Variants in MARCHF1 observed in about 807,000 individuals in gnomAD.
MARCHF1 encodes E3 ubiquitin-protein ligase MARCHF1.
In MARCHF1, 40 loss-of-function variants were observed where a neutral mutation model predicts 54.2. The ratio of observed to expected loss-of-function variants is 0.74; its 90% confidence interval spans 0.57 to 0.96. The LOEUF (loss-of-function observed/expected upper bound fraction) is 0.96, where lower values mean the gene tolerates loss of function less well. Among genes scored for constraint, MARCHF1 ranks in the 40% least tolerant of loss-of-function variants. The pLI is 0.00. For missense variants in MARCHF1, 586 were observed against 656.5 expected (o/e 0.89, Z 1.17); for synonymous variants, 236 against 236.3 (o/e 1.00, Z 0.01).
chr4:163,789,548 T>C (rs74935842), intron 4 of MARCHF1, among the ~76,000 whole-genome samples: 1,777 of 152,072 alleles, frequency 0.012, 33 homozygotes, highest in African/African-American at 0.04. Context: ...CTTTTCACAT[T>C]TAATGTATAT....
chr4:164,168,061 A>G (rs1293031388), intron 1 of MARCHF1, among the ~76,000 whole-genome samples: 13 of 152,032 alleles, frequency 8.6e-5, no homozygotes, highest in Admixed American at 8.5e-4. Context: ...AAGTACTTTT[A>G]CAACTCGATA....
rs1269869264 is a variant in MARCHF1, at chr4:163,984,105, C to T, written c.-39+4396G>A. Among the ~76,000 whole-genome samples the T allele has an allele frequency of 2.6e-5, 4 of 151,910 alleles. No homozygotes were observed. In the East Asian group the frequency reaches 7.8e-4, roughly 29 times the overall value. On this transcript the variant is annotated intron_variant, in intron 3 of 9. Coordinates refer to ENST00000514618, the MANE Select transcript of MARCHF1 (RefSeq NM_001394959.1). ...TTTTCCAGGTTACTGGAATCTCTAC[C>T]AAAAGAGATTCCCCAGTAACAGATC... is the stretch of plus-strand genomic sequence containing the variant.
At chr4:164,089,309 A>G (rs1364368231) in intron 2 of MARCHF1, among the ~76,000 whole-genome samples, 1 of 152,122 alleles carries the variant, frequency 6.6e-6, no homozygotes, top group East Asian at 1.9e-4. Flanking sequence ...TATAAATTGG[A>G]TTTGTCTTCA....
chr4:164,217,620 T>C (rs577062980), intron 1 of MARCHF1, among the ~76,000 whole-genome samples: 53 of 152,326 alleles, frequency 3.5e-4, no homozygotes, highest in African/African-American at 1.3e-3. Context: ...AAAGACTCTT[T>C]GCCAGATGCT....
intron 7 of MARCHF1, among the ~76,000 whole-genome samples, chr4:163,599,162 G>A (rs969452186): frequency 4.9e-4 from 74 of 152,068 alleles, no homozygotes; most frequent in African/African-American, 1.7e-3. Context: ...GGTGGCGGGC[G>A]CCTGTAATCC....
intron 2 of MARCHF1, among the ~76,000 whole-genome samples, chr4:164,098,543 AC>A (rs1755464815): frequency 6.6e-6 from 1 of 152,230 alleles, no homozygotes; most frequent in Non-Finnish European, 1.5e-5. Context: ...ATTCAGTCTT[AC>A]ACTTCAATCT....
intron 3 of MARCHF1, among the ~76,000 whole-genome samples, chr4:163,924,249 G>A (rs1383153176): frequency 6.6e-6 from 1 of 152,026 alleles, no homozygotes; most frequent in African/African-American, 2.4e-5. Flanking sequence ...TCCTCTTTTA[G>A]AAAGTAATCA....
intron 5 of MARCHF1, among the ~76,000 whole-genome samples, chr4:163,622,506 C>G (rs1741725665): frequency 6.6e-6 from 1 of 152,134 alleles, no homozygotes; most frequent in African/African-American, 2.4e-5. Flanking sequence ...TAAGAAAAGA[C>G]TGAGATCACT....
At chr4:163,653,276 C>G (rs1743030518) in intron 5 of MARCHF1, among the ~76,000 whole-genome samples, 1 of 151,764 alleles carries the variant, frequency 6.6e-6, no homozygotes, top group African/African-American at 2.4e-5. Context: ...AGGTGAGAGA[C>G]AGAGTGAGAA....
intron 7 of MARCHF1, among the ~76,000 whole-genome samples, chr4:163,609,725 A>G (rs990203659): frequency 2.0e-5 from 3 of 151,714 alleles, no homozygotes; most frequent in Admixed American, 2.0e-4. Context: ...TCTTAAAGGA[A>G]TATTATGTAG....
intron 1 of MARCHF1, among the ~76,000 whole-genome samples, chr4:164,209,794 G>C (rs1427725718): frequency 6.6e-6 from 1 of 151,876 alleles, no homozygotes; most frequent in African/African-American, 2.4e-5. Flanking sequence ...TTACTAATAG[G>C]ATAAAAATCT....
chr4:164,140,287 TTGA>T (rs1756498992), intron 1 of MARCHF1, among the ~76,000 whole-genome samples: 1 of 151,204 alleles, frequency 6.6e-6, no homozygotes, highest in Non-Finnish European at 1.5e-5. Context: ...TCCTATAGAA[TTGA>T]TGTTTATCAT....
At chr4:163,931,364 T>G (rs1751670298) in intron 3 of MARCHF1, among the ~76,000 whole-genome samples, 1 of 152,154 alleles carries the variant, frequency 6.6e-6, no homozygotes, top group Admixed American at 6.5e-5. Context: ...TTCAAAGTGT[T>G]AACCCCCAAA....
intron 4 of MARCHF1, among the ~76,000 whole-genome samples, chr4:163,840,563 A>C (rs2111128616): frequency 6.6e-6 from 1 of 152,158 alleles, no homozygotes; most frequent in South Asian, 2.1e-4. Flanking sequence ...GAAAACGAGA[A>C]GGCAGAATAA....
At chr4:164,353,871 C>T (rs1190638473) in intron 1 of MARCHF1, among the ~76,000 whole-genome samples, 26 of 139,768 alleles carry the variant, frequency 1.9e-4, no homozygotes, top group African/African-American at 6.7e-4. Flanking sequence ...GCTAGCAAGA[C>T]TAATAAAGAA....
chr4:164,174,396 C>G lies in MARCHF1; in HGVS notation c.-322-62734G>C, dbSNP rs576621970. Among the ~76,000 whole-genome samples the G allele has an allele frequency of 2.6e-5, 4 of 152,242 alleles. 1 individual carries two copies. Among genetic ancestry groups the G allele is most frequent in the African/African-American group, 9.6e-5 (4 of 41,534 alleles). ...TCCTTCCTAGTTTCCTTCCTTCTGC[C>G]CTTTCTAAAATTATTTATTAAGCAC... On this transcript the variant is annotated intron_variant, in intron 1 of 9. Coordinates refer to ENST00000514618, the MANE Select transcript of MARCHF1 (RefSeq NM_001394959.1).
At chr4:164,028,393 A>T (rs1753813316) in intron 2 of MARCHF1, among the ~76,000 whole-genome samples, 1 of 152,216 alleles carries the variant, frequency 6.6e-6, no homozygotes, top group Admixed American at 6.6e-5. Context: ...TCACATCCAT[A>T]AAAATGGATG....
At chr4:163,594,291 C>G (rs1740688049) in intron 7 of MARCHF1, among the ~76,000 whole-genome samples, 1 of 151,320 alleles carries the variant, frequency 6.6e-6, no homozygotes, top group Non-Finnish European at 1.5e-5. Flanking sequence ...CATTATGTGG[C>G]CAAGTATGAA....
rs146277070 is a variant in MARCHF1, at chr4:163,636,081, G to A, written c.163-22688C>T. On this transcript the variant is annotated intron_variant, in intron 5 of 9. Coordinates refer to ENST00000514618, the MANE Select transcript of MARCHF1 (RefSeq NM_001394959.1). ...AAAAACTCTCAATAAATTAGGTATC[G>A]ATGGGACGTATTTCAAAACAATAAG... Among the ~76,000 whole-genome samples the A allele has an allele frequency of 8.6e-3, 1,308 of 152,232 alleles. 9 individuals are homozygous for A. The highest frequency in any genetic ancestry group is 0.028 in the African/African-American group (1,183 of 41,534).
Sources: allele counts gnomAD v4.1 joint callset (sites outside exome capture counted in the v4.1 genomes callset), GRCh38; gene constraint gnomAD v4.1.1; transcripts MANE v1.5; gene names NCBI Gene and HGNC (gene_info 2026-07-23, HGNC 2026-07-21).